Variants in COG5 observed in about 807,000 individuals in gnomAD.
COG5 encodes the protein conserved oligomeric Golgi complex subunit 5.
A neutral mutation model predicts 110.4 loss-of-function variants in COG5; 86 were observed. That is an observed-to-expected ratio of 0.78 (90% confidence interval 0.65 to 0.93). COG5 has a LOEUF of 0.93. COG5 is among the 40% of genes least tolerant of loss of function. COG5 has a pLI of 0.00. For missense variants in COG5, 1,077 were observed against 987.0 expected, an observed-to-expected ratio of 1.09 and a Z score of -1.22; for synonymous variants, 360 against 334.6, an observed-to-expected ratio of 1.08 and a Z score of -0.83.
chr7:107,265,321 G>A (rs1344806813), intron 14 of COG5, among the ~76,000 whole-genome samples: 1 of 151,998 alleles, frequency 6.6e-6, no homozygotes, highest in South Asian at 2.1e-4. Flanking sequence ...CCTCTGTCAC[G>A]CAGGCTGAAG....
intron 21 of COG5, chr7:107,209,563 T>A (rs993943117): frequency 2.5e-5 from 4 of 156,956 alleles, no homozygotes; most frequent in Non-Finnish European, 5.5e-5. Flanking sequence ...AGAGGCAGGA[T>A]GAGAAGAAGA....
chr7:107,305,073 A>T (rs1331067191), intron 11 of COG5, among the ~76,000 whole-genome samples: 2 of 152,200 alleles, frequency 1.3e-5, no homozygotes, highest in Non-Finnish European at 2.9e-5. Flanking sequence ...GACAGACAGG[A>T]TGTGCTATTT....
intron 10 of COG5, among the ~76,000 whole-genome samples, chr7:107,352,424 C>G (rs1482823744): frequency 6.8e-6 from 1 of 147,544 alleles, no homozygotes; most frequent in Non-Finnish European, 1.5e-5. Context: ...CAAACCTGCA[C>G]GTTGTGTACA....
Position 107,525,887 on chromosome 7 carries a change from A to G in COG5, c.538+1350T>C, listed in dbSNP as rs184413105. ...GGTACCAGCCACCACACCCAGCTTA[A>G]AAGTTCAACTTTTTATATGACATTT... On this transcript the variant is annotated intron_variant, in intron 6 of 21. Transcript: ENST00000297135. Among the ~76,000 whole-genome samples the G allele has an allele frequency of 2.2e-4, 34 of 152,210 alleles. No individual in the cohort carries two copies. The East Asian group carries it at 4.2e-3, about 19-fold the overall frequency.
chr7:107,323,869 C>T (rs1328703702), intron 11 of COG5, among the ~76,000 whole-genome samples: 1 of 152,136 alleles, frequency 6.6e-6, no homozygotes, highest in Non-Finnish European at 1.5e-5. Context: ...TTTAGACAAA[C>T]ACACGCGTAA....
intron 3 of COG5, 26 bp downstream of exon 3, chr7:107,554,259 A>C (rs1803132461): frequency 6.2e-7 from 1 of 1,605,654 alleles, no homozygotes; most frequent in Non-Finnish European, 8.5e-7. Context: ...GCTCTACATA[A>C]TCTCTAGCAG....
At chr7:107,361,144 G>A (rs1237110355) in intron 10 of COG5, among the ~76,000 whole-genome samples, 2 of 152,128 alleles carry the variant, frequency 1.3e-5, no homozygotes, top group Non-Finnish European at 2.9e-5. Context: ...GCTACTGGAG[G>A]TTAGGATTTA....
At chr7:107,445,825 C>T (rs144081471) in intron 6 of COG5, among the ~76,000 whole-genome samples, 2 of 152,286 alleles carry the variant, frequency 1.3e-5, no homozygotes, top group East Asian at 3.9e-4. Context: ...AGTAATCATG[C>T]GCTAGGCACT....
intron 6 of COG5, among the ~76,000 whole-genome samples, chr7:107,430,461 C>A (rs1014199461): frequency 1.3e-5 from 2 of 152,266 alleles, no homozygotes; most frequent in East Asian, 3.9e-4. Context: ...TATCTTTATG[C>A]CATTACCAGA....
intron 6 of COG5, among the ~76,000 whole-genome samples, chr7:107,481,681 T>A (rs746360878): frequency 1.8e-4 from 28 of 152,292 alleles, no homozygotes; most frequent in Non-Finnish European, 3.7e-4. Flanking sequence ...TTACATACTC[T>A]GTACTTTAAA....
intron 11 of COG5, among the ~76,000 whole-genome samples, chr7:107,312,982 T>G (rs6963917): frequency 0.16 from 24,447 of 152,060 alleles, 2,362 homozygotes; most frequent in Non-Finnish European, 0.22. Context: ...GCCAGGGAAT[T>G]AGGTGTAAAT....
At chr7:107,430,275 G>A (rs1793930975) in intron 6 of COG5, among the ~76,000 whole-genome samples, 1 of 152,164 alleles carries the variant, frequency 6.6e-6, no homozygotes, top group African/African-American at 2.4e-5. Context: ...CATGGTATGA[G>A]GAAGTGATAT....
intron 3 of COG5, among the ~76,000 whole-genome samples, chr7:107,553,378 C>G (rs1803067562): frequency 6.6e-6 from 1 of 152,130 alleles, no homozygotes; most frequent in Non-Finnish European, 1.5e-5. Flanking sequence ...TCCAAAAATA[C>G]TAAGTTCTTC....
intron 7 of COG5, among the ~76,000 whole-genome samples, chr7:107,385,939 CT>C (rs1244925883): frequency 6.8e-6 from 1 of 147,890 alleles, no homozygotes. Flanking sequence ...TGTATATCTT[CT>C]TTGGAGAAAT....
chr7:107,413,552 A>C (rs1792470627), intron 6 of COG5, among the ~76,000 whole-genome samples: 1 of 151,220 alleles, frequency 6.6e-6, no homozygotes, highest in Non-Finnish European at 1.5e-5. Flanking sequence ...AAAAAAAAAA[A>C]CCAGGAAAAA....
At position 107,335,523 on chromosome 7, in the gene COG5, A is replaced by C. The variant is rs548037341; in HGVS notation, c.1027-11002T>G. Among the ~76,000 whole-genome samples the C allele has an allele frequency of 3.3e-5, 5 of 152,374 alleles. No homozygotes were observed. In the South Asian group the frequency reaches 1.0e-3, roughly 32 times the overall value. ...CATACTATCAGACAAAAATTACTTA[A>C]GCGCTAACAAAATACAGTAAGAAAG... On this transcript the variant is annotated intron_variant, in intron 10 of 21. Coordinates refer to ENST00000297135, the MANE Select transcript of COG5 (RefSeq NM_006348.5).
At chr7:107,335,260 T>C (rs891313571) in intron 10 of COG5, among the ~76,000 whole-genome samples, 1 of 152,192 alleles carries the variant, frequency 6.6e-6, no homozygotes, top group Middle Eastern at 3.4e-3. Flanking sequence ...TGCAGTGGTG[T>C]GCACCTGTAA....
intron 19 of COG5, among the ~76,000 whole-genome samples, chr7:107,213,510 T>C (rs1268380117): frequency 6.6e-6 from 1 of 152,142 alleles, no homozygotes; most frequent in Non-Finnish European, 1.5e-5. Context: ...CAAATAGCAA[T>C]ACTCCCCAAC....
intron 7 of COG5, among the ~76,000 whole-genome samples, chr7:107,383,529 T>C (rs532455630): frequency 1.3e-5 from 2 of 152,296 alleles, no homozygotes; most frequent in Non-Finnish European, 2.9e-5. Context: ...GGATAATTCC[T>C]ATTCTCTAGG....
Sources: allele counts gnomAD v4.1 joint callset (sites outside exome capture counted in the v4.1 genomes callset), GRCh38; gene constraint gnomAD v4.1.1; transcripts MANE v1.5; gene names NCBI Gene and HGNC (gene_info 2026-07-23, HGNC 2026-07-21).